KCTD16: variants seen among roughly 807,000 people sequenced by gnomAD.
KCTD16 encodes the protein potassium channel tetramerization domain containing 16, also known as BTB/POZ domain-containing protein KCTD16.
KCTD16 carries 13 observed loss-of-function variants against 33.2 expected under a neutral mutation model. That is an observed-to-expected ratio of 0.39 (90% CI 0.25 to 0.62). The LOEUF (loss-of-function observed/expected upper bound fraction) is 0.62, where lower values mean the gene tolerates loss of function less well. Among genes scored for constraint, KCTD16 ranks in the 20% least tolerant of loss-of-function variants. The pLI is 0.50. For missense variants in KCTD16, 441 were observed against 525.1 expected (o/e 0.84, Z 1.57); for synonymous variants, 197 against 195.3 (o/e 1.01, Z -0.07).
chr5:144,425,504 G>A (rs560546351), intron 3 of KCTD16, among the ~76,000 whole-genome samples: 2 of 151,932 alleles, frequency 1.3e-5, no homozygotes, highest in East Asian at 3.9e-4. Flanking sequence ...ACTCTATGCT[G>A]ACTCTACTCC....
At chr5:144,427,912 G>A (rs1366134807) in intron 3 of KCTD16, among the ~76,000 whole-genome samples, 2 of 152,100 alleles carry the variant, frequency 1.3e-5, no homozygotes, top group African/African-American at 2.4e-5. Context: ...GTCTTGTATA[G>A]TTCATTTATC....
In KCTD16 at chr5:144,482,586, T is replaced by C. The variant is rs1280537799; in HGVS notation, c.*8472T>C. ...ATTCAAGACAGGTCAAAAGCCCAAA[T>C]GTGATTAACTGCCCTCAGCATCTCA... On this transcript the variant is annotated 3_prime_UTR_variant, in exon 4 of 4. Coordinates refer to ENST00000512467, the MANE Select transcript of KCTD16 (RefSeq NM_020768.4). 6.6e-6 allele frequency: 1 copy of C among 151,838 alleles called. No homozygotes were observed. The highest frequency in any genetic ancestry group is 6.6e-5 in the Admixed American group (1 of 15,214). The allele number at this position is 151,838 out of a possible 1,614,324, so 9.4% of individuals were successfully genotyped here. A position where few individuals can be genotyped will look rare whatever the true frequency, so the allele number is the denominator to read the frequency against.
intron 2 of KCTD16, among the ~76,000 whole-genome samples, chr5:144,184,330 A>G (rs774921879): frequency 1.3e-5 from 2 of 152,094 alleles, no homozygotes; most frequent in Non-Finnish European, 2.9e-5. Flanking sequence ...TCTTTTTATG[A>G]CTGGCTTATT....
intron 3 of KCTD16, among the ~76,000 whole-genome samples, chr5:144,453,649 T>C (rs1299232494): frequency 6.6e-6 from 1 of 152,192 alleles, no homozygotes; most frequent in East Asian, 1.9e-4. Flanking sequence ...TCATTATAGT[T>C]ACATAAAATC....
At chr5:144,411,057 G>A (rs1428857) in intron 3 of KCTD16, among the ~76,000 whole-genome samples, 143,691 of 152,296 alleles carry the variant, frequency 0.94, 67,915 homozygotes, top group East Asian at 1. Context: ...AAATAGAAAG[G>A]CATTCTATGC....
At chr5:144,238,399 C>T (rs1267782510) in intron 3 of KCTD16, among the ~76,000 whole-genome samples, 1 of 152,080 alleles carries the variant, frequency 6.6e-6, no homozygotes, top group Non-Finnish European at 1.5e-5. Context: ...AATCGATGAG[C>T]TCATTTGCCT....
chr5:144,328,696 C>T (rs970190797), intron 3 of KCTD16, among the ~76,000 whole-genome samples: 1 of 151,920 alleles, frequency 6.6e-6, no homozygotes, highest in Non-Finnish European at 1.5e-5. Context: ...CACAGGCCTC[C>T]AGTGTGTGTC....
chr5:144,254,540 G>C (rs894182840), intron 3 of KCTD16, among the ~76,000 whole-genome samples: 1 of 152,042 alleles, frequency 6.6e-6, no homozygotes, highest in Non-Finnish European at 1.5e-5. Context: ...CTTAACATGA[G>C]ATCTGCCCTC....
chr5:144,291,735 G>A (rs1161945700), intron 3 of KCTD16, among the ~76,000 whole-genome samples: 1 of 152,114 alleles, frequency 6.6e-6, no homozygotes, highest in Admixed American at 6.5e-5. Context: ...GCGCATCTGG[G>A]AACTTGAATG....
chr5:144,226,042 A>G (rs1753921436), intron 3 of KCTD16, among the ~76,000 whole-genome samples: 1 of 152,210 alleles, frequency 6.6e-6, no homozygotes, highest in Non-Finnish European at 1.5e-5. Flanking sequence ...AGGGAAGTAT[A>G]CACTTTTGCT....
At chr5:144,456,205 C>CA (rs1554095880) in intron 3 of KCTD16, among the ~76,000 whole-genome samples, 1 of 60,506 alleles carries the variant, frequency 1.7e-5, no homozygotes, top group African/African-American at 9.9e-5. Flanking sequence ...CCCTCACAAA[C>CA]CCCCCCCAAC....
intron 3 of KCTD16, among the ~76,000 whole-genome samples, chr5:144,275,008 A>G (rs1215162739): frequency 1.3e-5 from 2 of 152,250 alleles, no homozygotes; most frequent in Non-Finnish European, 2.9e-5. Context: ...ACACTAAAAA[A>G]GATATTTTGA....
At chr5:144,427,770 T>A (rs1753364798) in intron 3 of KCTD16, among the ~76,000 whole-genome samples, 1 of 152,108 alleles carries the variant, frequency 6.6e-6, no homozygotes, top group African/African-American at 2.4e-5. Context: ...CTCCTGCAGC[T>A]AAGATATAGC....
intron 3 of KCTD16, among the ~76,000 whole-genome samples, chr5:144,378,026 G>A (rs1752130579): frequency 6.6e-6 from 1 of 152,182 alleles, no homozygotes; most frequent in Non-Finnish European, 1.5e-5. Flanking sequence ...TTGGTCAGAA[G>A]GGGACGTTAA....
At chr5:144,266,561 G>C (rs1461505916) in intron 3 of KCTD16, among the ~76,000 whole-genome samples, 1 of 152,118 alleles carries the variant, frequency 6.6e-6, no homozygotes, top group African/African-American at 2.4e-5. Context: ...AGAATCTAAT[G>C]GGCTTATTTA....
chr5:144,389,011 G>A (rs189070397), intron 3 of KCTD16, among the ~76,000 whole-genome samples: 8 of 152,244 alleles, frequency 5.3e-5, no homozygotes, highest in Non-Finnish European at 1.2e-4. Context: ...GGTCATAAAG[G>A]ACTTCTTTGA....
chr5:144,223,673 G>A (rs571375951), intron 3 of KCTD16, among the ~76,000 whole-genome samples: 25 of 151,838 alleles, frequency 1.6e-4, no homozygotes, highest in African/African-American at 4.8e-4. Flanking sequence ...CCTAGGCTGC[G>A]TACTTTATAA....
At chr5:144,208,514 G>A (rs1753261922) in intron 3 of KCTD16, among the ~76,000 whole-genome samples, 1 of 152,204 alleles carries the variant, frequency 6.6e-6, no homozygotes, top group Non-Finnish European at 1.5e-5. Flanking sequence ...AACAGGCCCA[G>A]GAGTTGGGTG....
intron 3 of KCTD16, among the ~76,000 whole-genome samples, chr5:144,208,343 CT>C (rs1309799586): frequency 6.6e-6 from 1 of 152,124 alleles, no homozygotes; most frequent in Non-Finnish European, 1.5e-5. Flanking sequence ...GTAAGGGGTT[CT>C]TAGAGGTCAG....
Sources: allele counts gnomAD v4.1 joint callset (sites outside exome capture counted in the v4.1 genomes callset), GRCh38; gene constraint gnomAD v4.1.1; transcripts MANE v1.5; gene names NCBI Gene and HGNC (gene_info 2026-07-23, HGNC 2026-07-21).